RLF: variants seen among roughly 807,000 people sequenced by gnomAD.
RLF encodes zinc finger protein Rlf.
In RLF, 7 loss-of-function variants were observed where a neutral mutation model predicts 162.9. The ratio of observed to expected loss-of-function variants is 0.04; its 90% CI spans 0.02 to 0.08. The LOEUF (loss-of-function observed/expected upper bound fraction) is 0.08. Ranked by LOEUF, RLF falls within the 10% of genes least tolerant of loss-of-function variation. RLF has a pLI of 1.00. For missense variants in RLF, 1,664 were observed against 2,244.7 expected (o/e 0.74, Z 5.23); for synonymous variants, 782 against 791.5 (o/e 0.99, Z 0.20).
At chr1:40,180,375 C>T (rs1321238396) in intron 1 of RLF, among the ~76,000 whole-genome samples, 1 of 152,170 alleles carries the variant, frequency 6.6e-6, no homozygotes, top group Non-Finnish European at 1.5e-5. Flanking sequence ...TCTCCTGCCT[C>T]AGCCTCCTGA....
chr1:40,225,533 C>T (rs1349969632), intron 6 of RLF, among the ~76,000 whole-genome samples: 1 of 138,554 alleles, frequency 7.2e-6, no homozygotes, highest in Non-Finnish European at 1.5e-5. Context: ...GAGCTGAGAT[C>T]GTGCCACTGC....
chr1:40,208,102 C>G (rs1642820336), intron 5 of RLF, among the ~76,000 whole-genome samples: 1 of 152,198 alleles, frequency 6.6e-6, no homozygotes, highest in Non-Finnish European at 1.5e-5. Flanking sequence ...CTTGGAAGCA[C>G]TGTGGCCTGG....
At position 40,162,842 on chromosome 1, in the gene RLF, C is replaced by T. The variant is rs181377547; in HGVS notation, c.237+1206C>T. ...TTAAATGTTAACGTGTTGTTGTTCT[C>T]TGCTTCCTTAGTAGTAGTCATCCCT... On this transcript the variant is annotated intron_variant, in intron 1 of 7. Transcript: ENST00000372771. 9.1e-4 allele frequency among the ~76,000 whole-genome samples: 138 copies of T among 152,300 alleles called. 2 individuals are homozygous for T. In the East Asian group the frequency reaches 0.017, roughly 19 times the overall value.
chr1:40,185,517 TAAAAAAAAA>T (rs769379758), intron 1 of RLF, among the ~76,000 whole-genome samples: 13 of 23,736 alleles, frequency 5.5e-4, no homozygotes, highest in Admixed American at 1.7e-3. Context: ...AATCTTGCAT[TAAAAAAAAA>T]AAAAAAAAAA....
intron 1 of RLF, among the ~76,000 whole-genome samples, chr1:40,164,149 C>T (rs1232215983): frequency 2.0e-5 from 3 of 152,152 alleles, no homozygotes; most frequent in African/African-American, 7.2e-5. Context: ...AGATTGTAGG[C>T]ATTTTTACAT....
At chr1:40,206,880 C>T (rs1642802833) in intron 5 of RLF, among the ~76,000 whole-genome samples, 1 of 152,182 alleles carries the variant, frequency 6.6e-6, no homozygotes, top group South Asian at 2.1e-4. Context: ...TAAATGTTCT[C>T]ATGTCTGTTC....
intron 5 of RLF, among the ~76,000 whole-genome samples, chr1:40,204,104 C>A (rs1197752193): frequency 1.3e-5 from 2 of 148,834 alleles, no homozygotes; most frequent in Non-Finnish European, 1.5e-5. Flanking sequence ...GCGATCTTTG[C>A]TCCTGGGTTC....
chr1:40,239,445 A>G lies in RLF; in HGVS notation c.4743A>G (p.Leu1581=). 6.2e-7 allele frequency: 1 copy of G among 1,613,988 alleles called. No individual in the cohort carries two copies. Among genetic ancestry groups the G allele is most frequent in the South Asian group, 1.1e-5 (1 of 91,078 alleles). ...CTCATCAGATGAGTAGTGCCTATTT[A>G]GAGCAACAGATGGAGAATCTTGTTG... is the stretch of plus-strand genomic sequence containing the variant. The part of the protein sequence containing the change: ...KRTHQMSSAY[L]EQQMENLVVC... Residue 1581 remains leucine (L), a synonymous_variant, in exon 8 of 8, where the codon TTA becomes TTG. Transcript: ENST00000372771.
chr1:40,165,405 C>T (rs570241776), intron 1 of RLF, among the ~76,000 whole-genome samples: 2 of 152,304 alleles, frequency 1.3e-5, no homozygotes, highest in Admixed American at 6.5e-5. Context: ...ATCCAATAAA[C>T]GTATTAACTA....
intron 5 of RLF, among the ~76,000 whole-genome samples, chr1:40,205,228 A>G (rs1048807042): frequency 1.3e-4 from 20 of 152,106 alleles, no homozygotes; most frequent in Non-Finnish European, 2.1e-4. Context: ...CCGAGGCACA[A>G]GAATTGCTTG....
chr1:40,170,969 G>T (rs1642236292), intron 1 of RLF, among the ~76,000 whole-genome samples: 1 of 152,034 alleles, frequency 6.6e-6, no homozygotes, highest in African/African-American at 2.4e-5. Flanking sequence ...GTAGTATTTG[G>T]ATCTAGCAGC....
intron 1 of RLF, among the ~76,000 whole-genome samples, chr1:40,176,681 G>A (rs376517804): frequency 5.3e-5 from 8 of 152,128 alleles, no homozygotes; most frequent in African/African-American, 1.9e-4. Context: ...GGTCTCAAAC[G>A]ATCCTCCCGC....
intron 1 of RLF, among the ~76,000 whole-genome samples, chr1:40,166,186 C>A (rs1352579741): frequency 1.3e-5 from 2 of 151,916 alleles, no homozygotes; most frequent in Non-Finnish European, 2.9e-5. Context: ...ATACTTAGTA[C>A]CTAGCAATTA....
chr1:40,176,115 GATAT>G (rs796089384), intron 1 of RLF, among the ~76,000 whole-genome samples: 4 of 152,164 alleles, frequency 2.6e-5, no homozygotes, highest in African/African-American at 9.6e-5. Context: ...TCATTATATG[GATAT>G]ATCATGATTT....
intron 5 of RLF, among the ~76,000 whole-genome samples, chr1:40,211,025 A>G (rs1455073685): frequency 6.6e-6 from 1 of 152,230 alleles, no homozygotes; most frequent in Non-Finnish European, 1.5e-5. Context: ...GTTTTTATAA[A>G]TAAAGCTTTA....
intron 6 of RLF, among the ~76,000 whole-genome samples, chr1:40,224,902 A>G (rs1262817719): frequency 1.3e-5 from 2 of 151,720 alleles, no homozygotes; most frequent in South Asian, 2.1e-4. Flanking sequence ...TACCAGAATC[A>G]CTTGAACCTG....
intron 5 of RLF, among the ~76,000 whole-genome samples, chr1:40,217,763 C>T (rs962047413): frequency 6.6e-5 from 10 of 151,826 alleles, no homozygotes; most frequent in African/African-American, 1.9e-4. Context: ...CAGAGCAATC[C>T]GTCTCAAAAA....
intron 6 of RLF, among the ~76,000 whole-genome samples, chr1:40,229,836 C>T (rs182519312): frequency 2.7e-4 from 41 of 152,046 alleles, no homozygotes; most frequent in Admixed American, 2.3e-3. Flanking sequence ...CACCTTATGC[C>T]GGGCACGGTG....
intron 5 of RLF, among the ~76,000 whole-genome samples, chr1:40,210,715 G>A (rs1045305029): frequency 3.3e-5 from 5 of 152,164 alleles, no homozygotes; most frequent in Admixed American, 2.0e-4. Context: ...CTTGCTGACC[G>A]GGCAAAAACA....
Sources: gnomAD v4.1 joint callset for allele counts (sites outside exome capture counted in the v4.1 genomes callset) on GRCh38, gnomAD v4.1.1 for gene constraint, MANE v1.5 for transcripts, NCBI Gene and HGNC (gene_info 2026-07-23, HGNC 2026-07-21) for gene names.